The following SCFD2 variants were observed in gnomAD, a reference collection of about 807,000 sequenced individuals.
SCFD2 encodes the protein sec1 family domain containing 2, also known as sec1 family domain-containing protein 2.
Under a neutral mutation model 58.9 loss-of-function variants are expected in SCFD2, and 54 were observed. The ratio of observed to expected loss-of-function variants is 0.92; its 90% confidence interval spans 0.74 to 1.15. The LOEUF is 1.15. SCFD2 is among the 50% of genes most tolerant of loss of function. The probability of loss-of-function intolerance (pLI) is 0.00; values close to 1 mark genes in which losing one functional copy is unlikely to be tolerated. For missense variants in SCFD2, 805 were observed against 836.6 expected (o/e 0.96, Z 0.47); for synonymous variants, 321 against 335.9 (o/e 0.96, Z 0.49).
chr4:52,964,991 C>A (rs541456752), intron 5 of SCFD2, among the ~76,000 whole-genome samples: 50 of 148,612 alleles, frequency 3.4e-4, no homozygotes, highest in African/African-American at 9.6e-4. Context: ...ATGGTGGTGA[C>A]TAAATGAATA....
chr4:52,904,371 G>C (rs1432294049), intron 7 of SCFD2, among the ~76,000 whole-genome samples: 1 of 152,218 alleles, frequency 6.6e-6, no homozygotes, highest in Non-Finnish European at 1.5e-5. Flanking sequence ...GAGAAGTGGA[G>C]GAGGGAGCAG....
chr4:53,053,222 C>CAAA (rs1277787453), intron 5 of SCFD2, among the ~76,000 whole-genome samples: 8 of 77,504 alleles, frequency 1.0e-4, no homozygotes, highest in African/African-American at 1.5e-4. Context: ...GACACCGTCT[C>CAAA]AAAAAAAAAA....
intron 4 of SCFD2, among the ~76,000 whole-genome samples, chr4:53,272,162 T>C (rs891858132): frequency 3.3e-5 from 5 of 152,314 alleles, no homozygotes; most frequent in Middle Eastern, 3.4e-3. Flanking sequence ...AGATACCATC[T>C]CACACCAGTT....
At chr4:52,915,948 G>A (rs945648553) in intron 6 of SCFD2, among the ~76,000 whole-genome samples, 5 of 152,186 alleles carry the variant, frequency 3.3e-5, no homozygotes, top group Non-Finnish European at 7.3e-5. Context: ...ATTTCACTGG[G>A]CACAAGATGA....
intron 2 of SCFD2, among the ~76,000 whole-genome samples, chr4:53,317,044 T>G (rs1447170986): frequency 1.3e-5 from 2 of 150,982 alleles, no homozygotes; most frequent in Admixed American, 1.3e-4. Flanking sequence ...GAGGTAGAGG[T>G]TGCAGTGAGC....
chr4:53,308,987 G>T (rs1249364824), intron 3 of SCFD2, among the ~76,000 whole-genome samples: 1 of 151,996 alleles, frequency 6.6e-6, no homozygotes, highest in Non-Finnish European at 1.5e-5. Flanking sequence ...AAAAAAATTA[G>T]CCGGGCATGG....
At position 53,273,937 on chromosome 4, in the gene SCFD2, T is replaced by C. The variant is rs1004693032; in HGVS notation, c.1200A>G (p.Leu400=). 1.9e-6 allele frequency: 3 copies of C among 1,613,806 alleles called. No homozygotes were observed. The highest frequency in any genetic ancestry group is 2.7e-5 in the African/African-American group (2 of 74,914). The change falls in exon 4 of 9, where the codon CTA becomes CTG. Residue 400 remains leucine (L), a synonymous_variant. Transcript: ENST00000401642. The stretch of plus-strand genomic sequence containing the variant: ...GCTGGAGGAGGCCACAATGATTCAT[T>C]AGAGCTTTGAGGTTGTTCTTGAAGA... ...IQLFKNNLKA[L]MNHCGLLQLG... is the part of the protein sequence containing the mutation.
intron 4 of SCFD2, among the ~76,000 whole-genome samples, chr4:53,217,898 A>C (rs916791655): frequency 3.3e-5 from 5 of 152,130 alleles, no homozygotes; most frequent in African/African-American, 2.4e-5. Flanking sequence ...TCCTTCACTT[A>C]TGAAGCTTAG....
chr4:52,993,020 C>T (rs571621526), intron 5 of SCFD2, among the ~76,000 whole-genome samples: 102 of 151,804 alleles, frequency 6.7e-4, no homozygotes, highest in African/African-American at 2.3e-3. Flanking sequence ...GGGAAGTAGA[C>T]GTAGGAGACT....
At chr4:53,121,122 G>T (rs1005083139) in intron 5 of SCFD2, among the ~76,000 whole-genome samples, 2 of 152,276 alleles carry the variant, frequency 1.3e-5, no homozygotes, top group Non-Finnish European at 2.9e-5. Context: ...AATGATAAGT[G>T]AACTATTTCC....
chr4:53,179,473 G>T (rs1428521809), intron 4 of SCFD2, among the ~76,000 whole-genome samples: 1 of 152,094 alleles, frequency 6.6e-6, no homozygotes, highest in Admixed American at 6.5e-5. Context: ...TCACCACCAG[G>T]CCAGTCCTAA....
chr4:52,876,070 G>A (rs895110573), intron 8 of SCFD2, among the ~76,000 whole-genome samples: 4 of 151,774 alleles, frequency 2.6e-5, no homozygotes, highest in Admixed American at 2.6e-4. Flanking sequence ...AAACCTAGTA[G>A]GTAATTGAGC....
intron 4 of SCFD2, among the ~76,000 whole-genome samples, chr4:53,173,034 T>C (rs1310864320): frequency 6.6e-6 from 1 of 152,198 alleles, no homozygotes; most frequent in Non-Finnish European, 1.5e-5. Context: ...GCTTCAATGT[T>C]AGGTACAATA....
chr4:52,881,659 CAGT>C (rs994175319), intron 8 of SCFD2, among the ~76,000 whole-genome samples: 21 of 152,284 alleles, frequency 1.4e-4, no homozygotes, highest in African/African-American at 4.1e-4. Context: ...ACCCACACAG[CAGT>C]AGAACAGGGA....
chr4:53,258,536 GTGTATATATATATATA>G (rs1560416830), intron 4 of SCFD2, among the ~76,000 whole-genome samples: 2 of 91,704 alleles, frequency 2.2e-5, no homozygotes, highest in Admixed American at 1.0e-4. Flanking sequence ...CATGGTGTGT[GTGTATATATATATATA>G]TATATATATA....
At chr4:53,079,682 A>G (rs895173351) in intron 5 of SCFD2, among the ~76,000 whole-genome samples, 3 of 152,178 alleles carry the variant, frequency 2.0e-5, no homozygotes, top group Non-Finnish European at 4.4e-5. Flanking sequence ...ACAGCACCCA[A>G]TAATTACCAT....
chr4:53,236,812 A>AT (rs201223744), intron 4 of SCFD2, among the ~76,000 whole-genome samples: 1 of 29,030 alleles, frequency 3.4e-5, no homozygotes, highest in Non-Finnish European at 6.8e-5. Flanking sequence ...TCACTGTTTT[A>AT]TTTATTTATT....
chr4:53,323,565 C>A (rs548712934), intron 2 of SCFD2, among the ~76,000 whole-genome samples: 1 of 91,514 alleles, frequency 1.1e-5, no homozygotes, highest in African/African-American at 4.7e-5. Flanking sequence ...TTACTTTTTG[C>A]GGAGATGAAT....
intron 4 of SCFD2, among the ~76,000 whole-genome samples, chr4:53,201,002 T>C (rs1182033767): frequency 1.0e-5 from 1 of 95,602 alleles, no homozygotes; most frequent in Non-Finnish European, 2.8e-5. Flanking sequence ...AATTTTATTT[T>C]AATTTAATTT....
Sources: allele counts gnomAD v4.1 joint callset (sites outside exome capture counted in the v4.1 genomes callset), GRCh38; gene constraint gnomAD v4.1.1; transcripts MANE v1.5; gene names NCBI Gene and HGNC (gene_info 2026-07-23, HGNC 2026-07-21).